Variants in MAP2 observed in about 807,000 individuals in gnomAD.
MAP2 encodes microtubule associated protein 2, also known as microtubule-associated protein 2.
In MAP2, 14 loss-of-function variants were observed where a neutral mutation model predicts 137.6. That is an observed-to-expected ratio of 0.10 (90% CI 0.07 to 0.16). MAP2 has a LOEUF of 0.16. Ranked by LOEUF, MAP2 falls within the 10% of genes least tolerant of loss-of-function variation. The pLI is 1.00. For synonymous variants in MAP2, 786 were observed against 782.3 expected, an observed-to-expected ratio of 1.00 and a Z score of -0.08; for missense variants, 2,088 against 2,191.5, an observed-to-expected ratio of 0.95 and a Z score of 0.94.
chr2:209,573,908 C>T (rs2074864007), intron 2 of MAP2, among the ~76,000 whole-genome samples: 1 of 152,122 alleles, frequency 6.6e-6, no homozygotes, highest in African/African-American at 2.4e-5. Context: ...CACCTTCTTT[C>T]ACTGAGTATA....
chr2:209,538,170 A>C (rs972814219), intron 2 of MAP2, among the ~76,000 whole-genome samples: 1 of 152,322 alleles, frequency 6.6e-6, no homozygotes, highest in Admixed American at 6.5e-5. Flanking sequence ...ATTTGTGCCT[A>C]TGAATATTAT....
intron 1 of MAP2, among the ~76,000 whole-genome samples, chr2:209,486,115 C>T (rs1037798050): frequency 6.6e-6 from 1 of 152,158 alleles, no homozygotes; most frequent in Admixed American, 6.5e-5. Flanking sequence ...ACTTCTTCAC[C>T]ATCATTATAT....
At position 209,580,093 on chromosome 2, in the gene MAP2, A is replaced by C. The variant is rs1268841043; in HGVS notation, c.-114A>C. The C allele has an allele frequency of 6.6e-6, 1 of 151,922 alleles. No individual in the cohort carries two copies. Among genetic ancestry groups the C allele is most frequent in the Non-Finnish European group, 1.5e-5 (1 of 67,992 alleles). The allele number at this position is 151,922 out of a possible 1,614,324, so 9.4% of individuals were successfully genotyped here. A position where few individuals can be genotyped will look rare whatever the true frequency, so the allele number is the denominator to read the frequency against. On this transcript the variant is annotated 5_prime_UTR_variant, in exon 3 of 16. Coordinates refer to ENST00000682079, the MANE Select transcript of MAP2 (RefSeq NM_001375505.1). ...TGATTGGGAGCTACTCATTCAGAAA[A>C]TTAAAAGGTACCACATGTTTTGTTT...
At chr2:209,540,825 A>G (rs536749043) in intron 2 of MAP2, among the ~76,000 whole-genome samples, 1 of 150,324 alleles carries the variant, frequency 6.7e-6, no homozygotes, top group Admixed American at 6.6e-5. Flanking sequence ...GAGATCCTCA[A>G]TCTACTGTAT....
At chr2:209,569,521 G>T (rs2074049572) in intron 2 of MAP2, among the ~76,000 whole-genome samples, 1 of 151,798 alleles carries the variant, frequency 6.6e-6, no homozygotes, top group Admixed American at 6.6e-5. Context: ...CACATTAGAA[G>T]ATGATAGCAA....
chr2:209,539,479 T>G (rs1266293278), intron 2 of MAP2, among the ~76,000 whole-genome samples: 1 of 152,212 alleles, frequency 6.6e-6, no homozygotes, highest in Non-Finnish European at 1.5e-5. Flanking sequence ...ATGCTGAGTA[T>G]CTATCTAAAG....
At position 209,694,091 on chromosome 2, in the gene MAP2, G is replaced by A. The variant is rs780170027; in HGVS notation, c.1921G>A (p.Ala641Thr). ...PAQEAGYSTL[A>T]QSYPSDLPEE... ...ACAAGAAGCAGGGTACAGCACTCTCGCACAGAGTTATCCATCAGATTTACC... is the reference window on the plus strand; with the variant it reads ...ACAAGAAGCAGGGTACAGCACTCTCACACAGAGTTATCCATCAGATTTACC... The change falls in exon 8 of 16, where the codon GCA (alanine) becomes ACA (threonine). Residue 641 changes from alanine (A) to threonine (T), a missense_variant. Coordinates refer to ENST00000682079, the MANE Select transcript of MAP2 (RefSeq NM_001375505.1). 1.3e-5 allele frequency: 21 copies of A among 1,613,604 alleles called. No homozygotes were observed. The highest frequency in any genetic ancestry group is 2.2e-5 in the East Asian group (1 of 44,856).
intron 1 of MAP2, among the ~76,000 whole-genome samples, chr2:209,503,464 A>T (rs932530966): frequency 1.3e-5 from 2 of 151,980 alleles, no homozygotes. Flanking sequence ...TTGGTGTCAT[A>T]TTCAAAAAAT....
intron 1 of MAP2, among the ~76,000 whole-genome samples, chr2:209,494,047 T>C (rs1465021155): frequency 6.6e-6 from 1 of 152,178 alleles, no homozygotes; most frequent in Non-Finnish European, 1.5e-5. Context: ...TGCCCATCAA[T>C]GTTAGACTGG....
intron 2 of MAP2, among the ~76,000 whole-genome samples, chr2:209,573,106 A>C (rs1358292178): frequency 1.3e-5 from 2 of 152,194 alleles, no homozygotes; most frequent in Non-Finnish European, 2.9e-5. Context: ...ATGGCCTCAA[A>C]AAAATGAATA....
intron 1 of MAP2, among the ~76,000 whole-genome samples, chr2:209,459,686 A>G (rs568015541): frequency 6.6e-6 from 1 of 152,326 alleles, no homozygotes; most frequent in African/African-American, 2.4e-5. Context: ...GCCTTAGAGA[A>G]CAATCACATC....
chr2:209,612,006 C>G (rs2087070687), intron 3 of MAP2, among the ~76,000 whole-genome samples: 2 of 152,076 alleles, frequency 1.3e-5, no homozygotes, highest in Admixed American at 6.6e-5. Context: ...CTTAAAGCAG[C>G]TGGAAAAAGA....
chr2:209,510,504 G>A (rs2061598287), intron 2 of MAP2, among the ~76,000 whole-genome samples: 1 of 151,998 alleles, frequency 6.6e-6, no homozygotes, highest in South Asian at 2.1e-4. Context: ...AAATATATTT[G>A]AGGTGAGTAA....
chr2:209,487,625 A>G (rs1479487169), intron 1 of MAP2, among the ~76,000 whole-genome samples: 1 of 152,234 alleles, frequency 6.6e-6, no homozygotes, highest in African/African-American at 2.4e-5. Context: ...GCATTCAGTT[A>G]ACCATAAAGG....
At chr2:209,613,360 A>G (rs1236214562) in intron 3 of MAP2, among the ~76,000 whole-genome samples, 1 of 152,174 alleles carries the variant, frequency 6.6e-6, no homozygotes, top group African/African-American at 2.4e-5. Flanking sequence ...AGGAAATAGA[A>G]TGAATGTGAA....
intron 4 of MAP2, among the ~76,000 whole-genome samples, chr2:209,648,077 A>G (rs1253110573): frequency 6.6e-6 from 1 of 151,436 alleles, no homozygotes; most frequent in African/African-American, 2.4e-5. Flanking sequence ...TCTCACCCTG[A>G]TATCAATAGA....
At chr2:209,591,846 G>T (rs185597819) in intron 3 of MAP2, among the ~76,000 whole-genome samples, 1 of 152,010 alleles carries the variant, frequency 6.6e-6, no homozygotes, top group African/African-American at 2.4e-5. Flanking sequence ...CTATTTGTTA[G>T]GTTATTATAA....
intron 4 of MAP2, among the ~76,000 whole-genome samples, chr2:209,628,492 T>G (rs776600082): frequency 6.6e-6 from 1 of 152,136 alleles, no homozygotes; most frequent in Non-Finnish European, 1.5e-5. Context: ...TGCCTTATCA[T>G]CTCTACCTAT....
chr2:209,500,859 ACT>A (rs1255417545), intron 1 of MAP2, among the ~76,000 whole-genome samples: 1 of 151,834 alleles, frequency 6.6e-6, no homozygotes, highest in East Asian at 1.9e-4. Context: ...ACATAGGGAA[ACT>A]CTGTCTCTAC....
Sources: allele counts gnomAD v4.1 joint callset (sites outside exome capture counted in the v4.1 genomes callset), GRCh38; gene constraint gnomAD v4.1.1; transcripts MANE v1.5; gene names NCBI Gene and HGNC (gene_info 2026-07-23, HGNC 2026-07-21).